SNX29: variants seen among roughly 807,000 people sequenced by gnomAD.
SNX29 encodes sorting nexin 29.
A neutral mutation model predicts 102.1 loss-of-function variants in SNX29; 78 were observed. The ratio of observed to expected loss-of-function variants is 0.76; its 90% CI spans 0.64 to 0.92. The LOEUF (loss-of-function observed/expected upper bound fraction) is 0.92. Ranked by LOEUF, SNX29 falls within the 40% of genes least tolerant of loss-of-function variation. SNX29 has a pLI of 0.00. For synonymous variants in SNX29, 580 were observed against 414.5 expected (o/e 1.40, Z -4.85); for missense variants, 1,280 against 1,061.7 (o/e 1.21, Z -2.86).
chr16:12,042,362 G>T (rs184271372), intron 4 of SNX29, among the ~76,000 whole-genome samples: 135 of 152,294 alleles, frequency 8.9e-4, no homozygotes, highest in African/African-American at 2.8e-3. Context: ...GGGTACATGT[G>T]CAGGTTTGTT....
At chr16:12,538,043 A>G (rs2077156241) in intron 20 of SNX29, among the ~76,000 whole-genome samples, 1 of 151,880 alleles carries the variant, frequency 6.6e-6, no homozygotes, top group Non-Finnish European at 1.5e-5. Flanking sequence ...CTGTCCTGCT[A>G]AAGTATAATC....
At chr16:12,383,771 TC>T (rs557567006) in intron 16 of SNX29, among the ~76,000 whole-genome samples, 15 of 142,508 alleles carry the variant, frequency 1.1e-4, no homozygotes, top group South Asian at 4.3e-4. Context: ...ACGTCAACTT[TC>T]TTTTTTTTTT....
chr16:12,313,449 C>T (rs1187430484), intron 15 of SNX29, among the ~76,000 whole-genome samples: 1 of 152,180 alleles, frequency 6.6e-6, no homozygotes, highest in Non-Finnish European at 1.5e-5. Flanking sequence ...TTTATACCTG[C>T]CCTTCTCTCT....
chr16:12,547,353 G>A (rs1212497871), intron 20 of SNX29, among the ~76,000 whole-genome samples: 2 of 152,220 alleles, frequency 1.3e-5, no homozygotes, highest in African/African-American at 2.4e-5. Context: ...AACTCTAGCT[G>A]CCATGTGGAG....
chr16:12,108,882 G>C (rs1202187982), intron 11 of SNX29, among the ~76,000 whole-genome samples: 2 of 152,120 alleles, frequency 1.3e-5, no homozygotes, highest in African/African-American at 4.8e-5. Context: ...TGTAATCCCA[G>C]CACTTTGGGA....
chr16:12,153,402 C>T (rs2055383202), intron 13 of SNX29, among the ~76,000 whole-genome samples: 1 of 151,952 alleles, frequency 6.6e-6, no homozygotes. Context: ...GTCTGGAGGC[C>T]CCTGGGGAGA....
At chr16:12,506,184 C>G (rs1485453773) in intron 19 of SNX29, among the ~76,000 whole-genome samples, 1 of 152,336 alleles carries the variant, frequency 6.6e-6, no homozygotes, top group South Asian at 2.1e-4. Flanking sequence ...TGGTCTTGAA[C>G]TCCTGACCTC....
At chr16:12,383,593 C>A (rs1363181133) in intron 16 of SNX29, among the ~76,000 whole-genome samples, 1 of 151,870 alleles carries the variant, frequency 6.6e-6, no homozygotes, top group Non-Finnish European at 1.5e-5. Context: ...CCCACCACCA[C>A]GCCCAGGTAA....
At chr16:12,383,412 G>A (rs1353693319) in intron 16 of SNX29, among the ~76,000 whole-genome samples, 1 of 152,164 alleles carries the variant, frequency 6.6e-6, no homozygotes, top group Non-Finnish European at 1.5e-5. Flanking sequence ...ACTGTTAATA[G>A]TGTAGCTGAT....
At chr16:12,188,140 T>A (rs965917622) in intron 13 of SNX29, among the ~76,000 whole-genome samples, 1 of 152,228 alleles carries the variant, frequency 6.6e-6, no homozygotes, top group African/African-American at 2.4e-5. Context: ...GTTTGCAATT[T>A]ATGAGTAATA....
chr16:12,286,042 C>T (rs1390054914), intron 15 of SNX29, among the ~76,000 whole-genome samples: 4 of 152,074 alleles, frequency 2.6e-5, no homozygotes, highest in Middle Eastern at 3.4e-3. Flanking sequence ...AGGGTTTCAC[C>T]GTATTGGCCA....
At chr16:12,432,663 T>G (rs1005999404) in intron 18 of SNX29, among the ~76,000 whole-genome samples, 1 of 152,222 alleles carries the variant, frequency 6.6e-6, no homozygotes, top group Non-Finnish European at 1.5e-5. Flanking sequence ...TTAACTGTGA[T>G]GTCCGAGTAC....
intron 14 of SNX29, among the ~76,000 whole-genome samples, chr16:12,213,012 G>C (rs113031323): frequency 0.026 from 3,962 of 152,306 alleles, 168 homozygotes; most frequent in African/African-American, 0.091. Context: ...TACTCGGGAG[G>C]CTGAGGCAGG....
chr16:12,541,804 G>T (rs1353245425), intron 20 of SNX29, among the ~76,000 whole-genome samples: 1 of 152,094 alleles, frequency 6.6e-6, no homozygotes, highest in African/African-American at 2.4e-5. Flanking sequence ...AGGTTCAGAG[G>T]GCAGGAACCA....
chr16:12,561,249 C>G (rs1008405677), intron 20 of SNX29: 1 of 230,174 alleles, frequency 4.3e-6, no homozygotes, highest in African/African-American at 2.2e-5. Flanking sequence ...GCCACTCCCT[C>G]CCACTCCACA....
chr16:12,330,300 C>G (rs2081256974), intron 15 of SNX29, among the ~76,000 whole-genome samples: 1 of 152,056 alleles, frequency 6.6e-6, no homozygotes, highest in African/African-American at 2.4e-5. Context: ...AACCCCATTT[C>G]CAGTAAAAAT....
At chr16:12,454,245 A>G (rs1401574630) in intron 18 of SNX29, among the ~76,000 whole-genome samples, 1 of 152,076 alleles carries the variant, frequency 6.6e-6, no homozygotes, top group Non-Finnish European at 1.5e-5. Flanking sequence ...GGGGATGGCA[A>G]CTCTGCAGCT....
chr16:12,540,901 C>G (rs769466362), intron 20 of SNX29, among the ~76,000 whole-genome samples: 2 of 152,228 alleles, frequency 1.3e-5, no homozygotes, highest in Non-Finnish European at 2.9e-5. Flanking sequence ...TGGAGGGCTT[C>G]TCTGACAGCC....
At chr16:12,562,971 T>TAGCAAAGGAAA (rs150844642) in intron 20 of SNX29, among the ~76,000 whole-genome samples, 1 of 151,742 alleles carries the variant, frequency 6.6e-6, no homozygotes, top group African/African-American at 2.4e-5. Context: ...ACACAAGGGG[T>TAGCAAAGGAAA]GAGGGCTGAT....
Sources: gnomAD v4.1 joint callset for allele counts (sites outside exome capture counted in the v4.1 genomes callset) on GRCh38, gnomAD v4.1.1 for gene constraint, MANE v1.5 for transcripts, NCBI Gene and HGNC (gene_info 2026-07-23, HGNC 2026-07-21) for gene names.